Variants in HOMER1 observed in about 807,000 individuals in gnomAD.
HOMER1 encodes the protein homer scaffold protein 1, also known as homer protein homolog 1.
Under a neutral mutation model 48.9 loss-of-function variants are expected in HOMER1, and 3 were observed. The ratio of observed to expected loss-of-function variants is 0.06; its 90% confidence interval spans 0.03 to 0.16. The LOEUF is 0.16. Ranked by LOEUF, HOMER1 falls within the 10% of genes least tolerant of loss-of-function variation. The pLI, the probability that HOMER1 is intolerant of heterozygous loss-of-function variation, is 1.00. For missense variants in HOMER1, 247 were observed against 411.4 expected (o/e 0.60, Z 3.46); for synonymous variants, 134 against 146.4 (o/e 0.92, Z 0.61).
At chr5:79,401,871 T>A in intron 6 of HOMER1, 28 bp downstream of exon 6, 2 of 1,610,282 alleles carry the variant, frequency 1.2e-6, no homozygotes, top group Non-Finnish European at 1.7e-6. Flanking sequence ...TAGCCCTAAA[T>A]CCCTATAGAC....
intron 5 of HOMER1, among the ~76,000 whole-genome samples, chr5:79,435,792 T>C (rs12659262): frequency 0.26 from 38,460 of 147,480 alleles, 6,011 homozygotes; most frequent in East Asian, 0.76. Context: ...GATTGAGCCA[T>C]TGCACTCCAG....
chr5:79,491,658 C>T (rs761643849), intron 1 of HOMER1, among the ~76,000 whole-genome samples: 98 of 152,030 alleles, frequency 6.4e-4, no homozygotes, highest in Non-Finnish European at 1.2e-3. Flanking sequence ...AACTACTGAA[C>T]ACTATCACAG....
intron 1 of HOMER1, among the ~76,000 whole-genome samples, chr5:79,457,511 T>G (rs1186729006): frequency 6.6e-6 from 1 of 152,236 alleles, no homozygotes; most frequent in African/African-American, 2.4e-5. Flanking sequence ...ATAAGCATCA[T>G]GCTGAAGTGT....
At chr5:79,449,905 T>G (rs1750986578) in intron 3 of HOMER1, among the ~76,000 whole-genome samples, 1 of 152,184 alleles carries the variant, frequency 6.6e-6, no homozygotes. Context: ...GAAAACAGTG[T>G]TAAGAAATGT....
At chr5:79,458,459 A>C (rs1249337752) in intron 1 of HOMER1, among the ~76,000 whole-genome samples, 2 of 152,032 alleles carry the variant, frequency 1.3e-5, no homozygotes, top group African/African-American at 4.8e-5. Flanking sequence ...ATTTGAAGAA[A>C]GGAAGAGTAA....
At chr5:79,509,080 A>C (rs993203433) in intron 1 of HOMER1, among the ~76,000 whole-genome samples, 1 of 152,348 alleles carries the variant, frequency 6.6e-6, no homozygotes, top group South Asian at 2.1e-4. Flanking sequence ...TAGAGAGCAG[A>C]ACCCTGCAGT....
chr5:79,378,830 A>G (rs1478470070), intron 8 of HOMER1, among the ~76,000 whole-genome samples: 2 of 151,812 alleles, frequency 1.3e-5, no homozygotes, highest in East Asian at 1.9e-4. Context: ...GCAAAACACA[A>G]AATTCCCTCA....
intron 5 of HOMER1, among the ~76,000 whole-genome samples, chr5:79,406,980 G>C (rs913392534): frequency 1.3e-5 from 2 of 152,184 alleles, no homozygotes; most frequent in Non-Finnish European, 2.9e-5. Flanking sequence ...GCCTTCCACT[G>C]CAGGAAGGTC....
chr5:79,397,409 TA>T, intron 7 of HOMER1, 117 bp downstream of exon 7: 1 of 690,766 alleles, frequency 1.4e-6, no homozygotes, highest in Non-Finnish European at 2.5e-6. Context: ...AATTTCATCC[TA>T]AAAAAGAGGT....
chr5:79,446,128 G>A (rs1750872730), intron 4 of HOMER1, among the ~76,000 whole-genome samples: 1 of 152,140 alleles, frequency 6.6e-6, no homozygotes, highest in South Asian at 2.1e-4. Context: ...CCTCTGATAT[G>A]CAAACTAGCC....
At chr5:79,410,203 A>C (rs915303716) in intron 5 of HOMER1, among the ~76,000 whole-genome samples, 4 of 152,146 alleles carry the variant, frequency 2.6e-5, no homozygotes. Context: ...TATGAAATAC[A>C]ACTTAGGGCC....
Position 79,450,943 on chromosome 5 carries a change from C to T in HOMER1, c.294+47G>A, listed in dbSNP as rs758730172. ...TTTGGTATTATATATTTAAGATATACGACTTGAAGATGAAGATTTTCATTC... is the reference window on the plus strand; with the variant it reads ...TTTGGTATTATATATTTAAGATATATGACTTGAAGATGAAGATTTTCATTC... On this transcript the variant is annotated intron_variant, in intron 3 of 8. Coordinates refer to ENST00000334082, the MANE Select transcript of HOMER1 (RefSeq NM_004272.5). 3.0e-5 allele frequency: 47 copies of T among 1,566,400 alleles called. No homozygotes were observed. In the East Asian group the frequency reaches 4.5e-4, roughly 15 times the overall value.
chr5:79,397,783 A>G, intron 6 of HOMER1, 146 bp from the exon 7 acceptor site: 8 of 464,620 alleles, frequency 1.7e-5, no homozygotes, highest in Non-Finnish European at 2.6e-5. Context: ...CTCAAGGTAG[A>G]GTGAATAGAT....
intron 1 of HOMER1, among the ~76,000 whole-genome samples, chr5:79,498,491 T>TAAGG (rs1225321999): frequency 3.3e-5 from 5 of 152,234 alleles, no homozygotes; most frequent in African/African-American, 1.2e-4. Context: ...GTTTGCTGAA[T>TAAGG]AAGGGATCAG....
chr5:79,384,389 C>A (rs933688323), intron 8 of HOMER1, among the ~76,000 whole-genome samples: 1 of 152,032 alleles, frequency 6.6e-6, no homozygotes, highest in Non-Finnish European at 1.5e-5. Flanking sequence ...CATGAACAAA[C>A]TGGAAAACCT....
intron 1 of HOMER1, among the ~76,000 whole-genome samples, chr5:79,479,692 GCCA>G (rs60789030): frequency 0.037 from 5,668 of 152,204 alleles, 373 homozygotes; most frequent in African/African-American, 0.13. Context: ...GTTGTTTTAA[GCCA>G]CCAAGTTAGT....
At chr5:79,510,494 A>G (rs1359876753) in intron 1 of HOMER1, 6 of 707,274 alleles carry the variant, frequency 8.5e-6, no homozygotes, top group Non-Finnish European at 1.6e-5. Flanking sequence ...CAGAAATGGT[A>G]TCAAGAAACC....
chr5:79,390,083 C>T (rs1215236173), intron 8 of HOMER1, among the ~76,000 whole-genome samples: 1 of 152,056 alleles, frequency 6.6e-6, no homozygotes, highest in Non-Finnish European at 1.5e-5. Context: ...CCCAGGAGTT[C>T]AAGACCAGCC....
intron 1 of HOMER1, among the ~76,000 whole-genome samples, chr5:79,485,547 A>G (rs1422642851): frequency 6.6e-6 from 1 of 152,198 alleles, no homozygotes; most frequent in Non-Finnish European, 1.5e-5. Context: ...TGATATTTAG[A>G]TTTGTAAGTA....
Sources: allele counts gnomAD v4.1 joint callset (sites outside exome capture counted in the v4.1 genomes callset), GRCh38; gene constraint gnomAD v4.1.1; transcripts MANE v1.5; gene names NCBI Gene and HGNC (gene_info 2026-07-23, HGNC 2026-07-21).